The following TLN2 variants were observed in gnomAD, a reference collection of about 807,000 sequenced individuals.
TLN2 encodes talin 2.
Under a neutral mutation model 294.7 loss-of-function variants are expected in TLN2, and 118 were observed. That is an observed-to-expected ratio of 0.40 (90% CI 0.34 to 0.47). The LOEUF is 0.47. Among genes scored for constraint, TLN2 ranks in the 20% least tolerant of loss-of-function variants. The pLI is 0.84. For missense variants in TLN2, 3,083 were observed against 3,282.2 expected, an observed-to-expected ratio of 0.94 and a Z score of 1.48; for synonymous variants, 1,431 against 1,304.5, an observed-to-expected ratio of 1.10 and a Z score of -2.09.
intron 1 of TLN2, among the ~76,000 whole-genome samples, chr15:62,554,813 C>T (rs1022485027): frequency 6.6e-6 from 1 of 152,082 alleles, no homozygotes; most frequent in Non-Finnish European, 1.5e-5. Flanking sequence ...GTACCACTTA[C>T]GTGATAACTT....
intron 2 of TLN2, among the ~76,000 whole-genome samples, chr15:62,590,502 C>A (rs567975655): frequency 1.1e-4 from 17 of 152,208 alleles, no homozygotes; most frequent in African/African-American, 3.9e-4. Flanking sequence ...TGATCTTGTT[C>A]TTTTTTATGG....
chr15:62,727,220 C>T (rs1379483929), intron 28 of TLN2, 31 bp downstream of exon 28: 2 of 1,595,598 alleles, frequency 1.3e-6, no homozygotes, highest in Non-Finnish European at 8.6e-7. Context: ...GCCACTGTGG[C>T]CAGCTTCAGG....
intron 21 of TLN2, 114 bp from the exon 22 acceptor site, chr15:62,711,797 G>C (rs185716369): frequency 1.6e-6 from 2 of 1,240,486 alleles, no homozygotes; most frequent in Admixed American, 5.3e-5. Context: ...TGGAGGTTCA[G>C]TTTTTTTGCT....
intron 34 of TLN2, 34 bp from the exon 35 acceptor site, chr15:62,752,271 G>A: frequency 6.2e-7 from 1 of 1,612,282 alleles, no homozygotes; most frequent in Non-Finnish European, 8.5e-7. Flanking sequence ...AGGCAATGCT[G>A]GATAGAGAAT....
At chr15:62,400,172 C>T (rs376187674) in intron 1 of TLN2, among the ~76,000 whole-genome samples, 8 of 152,292 alleles carry the variant, frequency 5.3e-5, no homozygotes, top group Middle Eastern at 3.4e-3. Context: ...TCTCTCCTGC[C>T]GCCATGTGAA....
chr15:62,817,853 CTG>C (rs1427614268), intron 52 of TLN2, among the ~76,000 whole-genome samples: 3 of 132,898 alleles, frequency 2.3e-5, no homozygotes, highest in East Asian at 4.5e-4. Context: ...GAGTCTCACT[CTG>C]TGGTCCAGGC....
At chr15:62,492,603 A>G (rs1238252646) in intron 1 of TLN2, among the ~76,000 whole-genome samples, 3 of 151,824 alleles carry the variant, frequency 2.0e-5, no homozygotes, top group African/African-American at 4.8e-5. Context: ...CAATGTCTAG[A>G]GATAGTCTGT....
chr15:62,743,881 T>C (rs2061471696), intron 32 of TLN2, among the ~76,000 whole-genome samples: 1 of 152,112 alleles, frequency 6.6e-6, no homozygotes, highest in African/African-American at 2.4e-5. Context: ...CCACAGAGGA[T>C]GCTCCCTAGG....
In TLN2 at chr15:62,686,572, C is replaced by A. The variant is rs2057310547; in HGVS notation, c.958-69C>A. 3.9e-6 allele frequency: 6 copies of A among 1,524,930 alleles called. No individual in the cohort carries two copies. In the South Asian group the frequency reaches 5.1e-5, roughly 13 times the overall value. 94.5% of individuals were successfully genotyped at this position (1,524,930 alleles called of 1,614,324 possible). ...GTATGCAGGTGAAAGGTCAAAAAAT[C>A]ACTGATTCCCTGGCAAAGTCAGATG... is the stretch of plus-strand genomic sequence containing the variant. On this transcript the variant is annotated intron_variant, in intron 11 of 58. Transcript: ENST00000636159.
intron 1 of TLN2, among the ~76,000 whole-genome samples, chr15:62,424,076 A>G (rs1161493967): frequency 1.3e-5 from 2 of 152,240 alleles, no homozygotes; most frequent in Non-Finnish European, 2.9e-5. Flanking sequence ...GCTGTGAAGC[A>G]TCGCATAAGT....
At chr15:62,454,434 A>C (rs2036340959) in intron 1 of TLN2, among the ~76,000 whole-genome samples, 1 of 152,116 alleles carries the variant, frequency 6.6e-6, no homozygotes, top group South Asian at 2.1e-4. Flanking sequence ...GGCTTGGATG[A>C]ATGGGACCTG....
intron 1 of TLN2, among the ~76,000 whole-genome samples, chr15:62,493,540 G>A (rs371594365): frequency 6.6e-6 from 1 of 151,958 alleles, no homozygotes; most frequent in Non-Finnish European, 1.5e-5. Flanking sequence ...CGTTACAAAA[G>A]GTCCCCCAAA....
chr15:62,738,040 C>G (rs985625642), intron 29 of TLN2, among the ~76,000 whole-genome samples, 174 bp from the exon 30 acceptor site: 2 of 152,140 alleles, frequency 1.3e-5, no homozygotes, highest in African/African-American at 4.8e-5. Context: ...GGGTGGAAAA[C>G]ATCTCTGGGA....
chr15:62,676,609 A>G (rs575327530), intron 11 of TLN2, among the ~76,000 whole-genome samples: 3 of 152,070 alleles, frequency 2.0e-5, no homozygotes, highest in Non-Finnish European at 4.4e-5. Flanking sequence ...TAAAACTACT[A>G]CTACTATCTT....
chr15:62,546,479 A>G (rs16945256), intron 1 of TLN2, among the ~76,000 whole-genome samples: 17,797 of 147,628 alleles, frequency 0.12, 1,745 homozygotes, highest in East Asian at 0.48. Context: ...CATAGTTGTG[A>G]ACTACTAAGA....
chr15:62,631,330 G>A (rs898487982), intron 3 of TLN2, among the ~76,000 whole-genome samples: 3 of 152,174 alleles, frequency 2.0e-5, no homozygotes, highest in Admixed American at 6.5e-5. Flanking sequence ...AACCGTAATA[G>A]AGGAAGCTTG....
At chr15:62,472,449 G>A (rs775632860) in intron 1 of TLN2, among the ~76,000 whole-genome samples, 2 of 152,180 alleles carry the variant, frequency 1.3e-5, no homozygotes, top group East Asian at 1.9e-4. Context: ...CATCTGGCAC[G>A]AAGCTTAGCA....
chr15:62,777,627 C>G (rs948924378), intron 43 of TLN2, among the ~76,000 whole-genome samples: 9 of 152,028 alleles, frequency 5.9e-5, no homozygotes, highest in African/African-American at 2.2e-4. Flanking sequence ...AGGCTCCACC[C>G]CCAACCCACT....
At chr15:62,604,037 A>G (rs973534924) in intron 2 of TLN2, among the ~76,000 whole-genome samples, 3 of 152,366 alleles carry the variant, frequency 2.0e-5, no homozygotes, top group Middle Eastern at 3.4e-3. Flanking sequence ...AACTTGATTT[A>G]TGGACACTGA....
Sources: allele counts gnomAD v4.1 joint callset (sites outside exome capture counted in the v4.1 genomes callset), GRCh38; gene constraint gnomAD v4.1.1; transcripts MANE v1.5; gene names NCBI Gene and HGNC (gene_info 2026-07-23, HGNC 2026-07-21).